The following CABP1 variants were observed in gnomAD, a reference collection of about 807,000 sequenced individuals.
CABP1 encodes calcium-binding protein 1.
In CABP1, 17 loss-of-function variants were observed where a neutral mutation model predicts 34.3. That is an observed-to-expected ratio of 0.50 (90% CI 0.34 to 0.74). The LOEUF is 0.74. Ranked by LOEUF, CABP1 falls within the 30% of genes least tolerant of loss-of-function variation. The probability of loss-of-function intolerance (pLI) is 0.01; values close to 1 mark genes in which losing one functional copy is unlikely to be tolerated. For synonymous variants in CABP1, 198 were observed against 229.2 expected (o/e 0.86, Z 1.23); for missense variants, 373 against 511.1 (o/e 0.73, Z 2.61).
Position 120,667,109 on chromosome 12 carries a change from C to T in CABP1, c.*209C>T, listed in dbSNP as rs1881051932. ...GCAACTGGAAAGCGGGGGCGCCCGC[C>T]GACGAGGAGGCCACCGTGCCAAGCC... On this transcript the variant is annotated 3_prime_UTR_variant, in exon 6 of 6. Coordinates refer to ENST00000316803, the MANE Select transcript of CABP1 (RefSeq NM_001033677.2). The T allele has an allele frequency of 1.1e-5, 7 of 614,050 alleles. 1 individual carries two copies. The highest frequency in any genetic ancestry group is 4.0e-5 in the South Asian group (2 of 50,018). The allele number at this position is 614,050 out of a possible 1,614,324, so 38.0% of individuals were successfully genotyped here.
intron 1 of CABP1, among the ~76,000 whole-genome samples, chr12:120,648,681 G>A (rs1386757510): frequency 6.6e-6 from 1 of 152,028 alleles, no homozygotes; most frequent in Non-Finnish European, 1.5e-5. Context: ...AGGAGTTCAA[G>A]AGTAGCCTGT....
In CABP1 at chr12:120,641,003, G is replaced by C; in HGVS notation, c.318G>C (p.Pro106=). ...GCCGCCGGCTACCCGGCTCCTGCCCGGCGACGCCGCAGTCGTCCGGGGACC... is the reference window on the plus strand; with the variant it reads ...GCCGCCGGCTACCCGGCTCCTGCCCCGCGACGCCGCAGTCGTCCGGGGACC... ...LPSRRLPGSC[P]ATPQSSGDPS... is the part of the protein sequence containing the mutation. The change falls in exon 1 of 6, where the codon CCG becomes CCC. Residue 106 remains proline (P), a synonymous_variant. Coordinates refer to ENST00000316803, the MANE Select transcript of CABP1 (RefSeq NM_001033677.2). The surrounding 1 kb of genome is among the most constrained non-coding windows in gnomAD (Gnocchi z 6.7). The C allele has an allele frequency of 1.7e-6, 2 of 1,163,728 alleles. No homozygotes were observed. Among genetic ancestry groups the C allele is most frequent in the Non-Finnish European group, 1.1e-6 (1 of 944,478 alleles). The allele number at this position is 1,163,728 out of a possible 1,614,324, so 72.1% of individuals were successfully genotyped here.
Position 120,640,869 on chromosome 12 carries a change from A to G in CABP1, c.184A>G (p.Ile62Val), listed in dbSNP as rs1879285190. The G allele has an allele frequency of 1.9e-6, 2 of 1,079,508 alleles. No homozygotes were observed. The highest frequency in any genetic ancestry group is 1.1e-6 in the Non-Finnish European group (1 of 892,278). The allele number at this position is 1,079,508 out of a possible 1,614,324, so 66.9% of individuals were successfully genotyped here. A position where few individuals can be genotyped will look rare whatever the true frequency, so the allele number is the denominator to read the frequency against. ...SAGPAAMSSH[I>V]AKSESKTSLL... ...GGGCCCCGCCGCGATGAGCTCGCAC[A>G]TCGCCAAAAGCGAGTCCAAGACGTC... The change falls in exon 1 of 6, where the codon ATC becomes GTC. Residue 62 changes from isoleucine to valine, a missense_variant. This residue lies in a region of CABP1 where 134 missense variants were observed against 145.4 expected (regional missense o/e 0.92). Transcript: ENST00000316803. The surrounding 1 kb of genome is among the most constrained non-coding windows in gnomAD (Gnocchi z 6.2).
chr12:120,678,389 T>G, the CABP1 span, among the ~76,000 whole-genome samples: 3 of 152,310 alleles, frequency 2.0e-5, no homozygotes, highest in East Asian at 5.8e-4. Flanking sequence ...TGGTTCCCTT[T>G]GGTTTTTTCT....
rs1301286573 is a variant in CABP1, at chr12:120,641,313, C to G, written c.628C>G (p.Pro210Ala). ...EADPFLHRLR[P>A]MLSSAFGQDR... is the part of the protein sequence containing the mutation. ...GGACCCGTTCCTCCACCGGCTGCGC[C>G]CCATGCTCAGCTCCGCCTTTGGCCA... Residue 210 changes from proline to alanine, a missense_variant, in exon 1 of 6, where the codon CCC becomes GCC. Physicochemically the swap from Pro to Ala is conservative, Grantham distance 27. Around this residue, in one of 4 missense-constraint regions of CABP1, gnomAD observed 121 missense variants for 125.5 expected, o/e 0.96. Coordinates refer to ENST00000316803, the MANE Select transcript of CABP1 (RefSeq NM_001033677.2). This position sits in a 1 kb window ranked among gnomAD's most constrained non-coding sequence, Gnocchi z 6.7. 7.5e-7 allele frequency: 1 copy of G among 1,330,846 alleles called. No homozygotes were observed. Among genetic ancestry groups the G allele is most frequent in the Non-Finnish European group, 9.6e-7 (1 of 1,042,388 alleles). The allele number at this position is 1,330,846 out of a possible 1,614,324, so 82.4% of individuals were successfully genotyped here.
intron 1 of CABP1, 30 bp from the exon 2 acceptor site, chr12:120,659,848 C>A (rs374211681): frequency 6.2e-7 from 1 of 1,610,676 alleles, no homozygotes; most frequent in East Asian, 2.2e-5. Context: ...TCCCTTGTCG[C>A]GGCTAATAGG....
At chr12:120,670,656 G>A (rs886952968), downstream of CABP1, among the ~76,000 whole-genome samples, 4 of 152,264 alleles carry the variant, frequency 2.6e-5, no homozygotes, top group Middle Eastern at 3.4e-3. Flanking sequence ...GCTGAAGGAC[G>A]AGAATCACTT....
At chr12:120,666,497 G>T (rs1880998187) in intron 5 of CABP1, among the ~76,000 whole-genome samples, 1 of 137,460 alleles carries the variant, frequency 7.3e-6, no homozygotes, top group Non-Finnish European at 1.6e-5. Flanking sequence ...AAAAAAAAAT[G>T]CTGAGAGGTG....
At position 120,645,226 on chromosome 12, in the gene CABP1, T is replaced by C. The variant is rs571310146; in HGVS notation, c.654+3887T>C. 2.0e-5 allele frequency among the ~76,000 whole-genome samples: 3 copies of C among 152,270 alleles called. No homozygotes were observed. The South Asian group carries it at 6.2e-4, about 32-fold the overall frequency. On this transcript the variant is annotated intron_variant, in intron 1 of 5. Transcript: ENST00000316803. ...TCCTCACTCCTACTCCAGTCATGTG[T>C]CTCCCTCCTTCTCTCTGAGAGGGCT...
rs1261015617 is a variant in CABP1, at chr12:120,666,902, G to C, written c.*2G>C. The C allele has an allele frequency of 6.2e-7, 1 of 1,604,182 alleles. No individual in the cohort carries two copies. ...TTTGTCCGGATGATGTCCCGCTGAG[G>C]CCGCGAGGGCCCCTCCAGGACTGCC... On this transcript the variant is annotated 3_prime_UTR_variant, in exon 6 of 6. Transcript: ENST00000316803.
At position 120,641,228 on chromosome 12, in the gene CABP1, C is replaced by T; in HGVS notation, c.543C>T (p.Leu181=). The T allele has an allele frequency of 7.9e-7, 1 of 1,273,592 alleles. No homozygotes were observed. Among genetic ancestry groups the T allele is most frequent in the Middle Eastern group, 3.0e-4 (1 of 3,310 alleles). The allele number at this position is 1,273,592 out of a possible 1,614,324, so 78.9% of individuals were successfully genotyped here. The change falls in exon 1 of 6, where the codon CTC becomes CTT. Residue 181 remains leucine, a synonymous_variant. Coordinates refer to ENST00000316803, the MANE Select transcript of CABP1 (RefSeq NM_001033677.2). This position sits in a 1 kb window ranked among gnomAD's most constrained non-coding sequence, Gnocchi z 6.7. The part of the protein sequence containing the change: ...EERGLSPALG[L]RGSLRARGRG... ...GGGGACTGTCCCCGGCGCTCGGCCT[C>T]CGGGGCTCTCTGCGAGCCCGGGGCC...
At chr12:120,659,671 T>C (rs973659089) in intron 1 of CABP1, 2 of 510,402 alleles carry the variant, frequency 3.9e-6, no homozygotes, top group African/African-American at 3.9e-5. Flanking sequence ...TTCTTGGGCA[T>C]CTCCTGTTAG....
In CABP1 at chr12:120,660,157, C is replaced by A; in HGVS notation, c.686-39C>A. ...CTTTGCCCACAGAGGCTCTGCGGGT[C>A]CTACCCCTGACCACATCCACCTTTG... On this transcript the variant is annotated intron_variant, in intron 2 of 5. Coordinates refer to ENST00000316803, the MANE Select transcript of CABP1 (RefSeq NM_001033677.2). This position sits in a 1 kb window ranked among gnomAD's most constrained non-coding sequence, Gnocchi z 5.0. 6.2e-7 allele frequency: 1 copy of A among 1,611,888 alleles called. No homozygotes were observed. Among genetic ancestry groups the A allele is most frequent in the East Asian group, 2.2e-5 (1 of 44,870 alleles).
At chr12:120,643,358 C>T (rs947793130) in intron 1 of CABP1, among the ~76,000 whole-genome samples, 4 of 152,230 alleles carry the variant, frequency 2.6e-5, no homozygotes, top group African/African-American at 9.6e-5. Flanking sequence ...CCTCCAGTCT[C>T]CTGTGACAGA....
At chr12:120,680,613 C>T in the CABP1 span, among the ~76,000 whole-genome samples, 1 of 152,162 alleles carries the variant, frequency 6.6e-6, no homozygotes, top group African/African-American at 2.4e-5. Flanking sequence ...GAGAAATGGC[C>T]TGGGTCCAGG....
At chr12:120,644,425 C>T (rs10849774) in intron 1 of CABP1, among the ~76,000 whole-genome samples, 5,732 of 152,250 alleles carry the variant, frequency 0.038, 310 homozygotes, top group East Asian at 0.27. Context: ...ATCTTCCGTA[C>T]TCCCTCTTTG....
At chr12:120,650,230 C>T (rs901381928) in intron 1 of CABP1, 7 of 168,688 alleles carry the variant, frequency 4.1e-5, no homozygotes, top group East Asian at 3.2e-4. Flanking sequence ...AAGGAGGGGC[C>T]GAGAGAAGGG....
At position 120,641,939 on chromosome 12, in the gene CABP1, G is replaced by GA. The variant is rs1177055541; in HGVS notation, c.654+600_654+601insA. Among the ~76,000 whole-genome samples, 1 of 152,140 alleles carries GA rather than the reference G, an allele frequency of 6.6e-6. No individual in the cohort carries two copies. The highest frequency in any genetic ancestry group is 1.5e-5 in the Non-Finnish European group (1 of 68,028). ...CTGTGGCTCAAACTGGAACTTTGGG[G>GA]TGGTTTAAGGAGGCTGTCACTCTAG... On this transcript the variant is annotated intron_variant, in intron 1 of 5. Coordinates refer to ENST00000316803, the MANE Select transcript of CABP1 (RefSeq NM_001033677.2). This position sits in a 1 kb window ranked among gnomAD's most constrained non-coding sequence, Gnocchi z 6.7.
the CABP1 span, among the ~76,000 whole-genome samples, chr12:120,673,380 C>T: frequency 2.6e-5 from 4 of 151,944 alleles, no homozygotes; most frequent in Non-Finnish European, 4.4e-5. Flanking sequence ...GTCAGGAGAT[C>T]GAGACCATCC....
Sources: gnomAD v4.1 joint callset for allele counts (sites outside exome capture counted in the v4.1 genomes callset) on GRCh38, gnomAD v4.1.1 for gene constraint, gnomAD v4.1.1 regional missense constraint, Gnocchi (gnomAD v3.1) non-coding constraint, MANE v1.5 for transcripts, NCBI Gene and HGNC (gene_info 2026-07-23, HGNC 2026-07-21) for gene names.